The following MACROD1 variants were observed in gnomAD, a reference collection of about 807,000 sequenced individuals.
The protein encoded by MACROD1 is mono-ADP ribosylhydrolase 1, also known as ADP-ribose glycohydrolase MACROD1.
In MACROD1, 31 loss-of-function variants were observed where a neutral mutation model predicts 41.4. The ratio of observed to expected loss-of-function variants is 0.75; its 90% CI spans 0.56 to 1.01. The LOEUF (loss-of-function observed/expected upper bound fraction) is 1.01. Ranked by LOEUF, MACROD1 falls within the 50% of genes least tolerant of loss-of-function variation. The pLI is 0.00. For missense variants in MACROD1, 473 were observed against 460.0 expected (o/e 1.03, Z -0.26); for synonymous variants, 252 against 203.4 (o/e 1.24, Z -2.03).
intron 1 of MACROD1, among the ~76,000 whole-genome samples, chr11:64,161,835 C>T (rs1372448536): frequency 5.2e-5 from 5 of 95,308 alleles, no homozygotes; most frequent in African/African-American, 2.2e-4. Flanking sequence ...TTTGGGAGGC[C>T]GAGGTGGGTA....
At chr11:64,029,432 G>A (rs1943265313) in intron 3 of MACROD1, among the ~76,000 whole-genome samples, 1 of 152,088 alleles carries the variant, frequency 6.6e-6, no homozygotes, top group Non-Finnish European at 1.5e-5. Flanking sequence ...CCTACCTCGG[G>A]CAGTCACAGG....
chr11:64,032,441 G>A (rs759905227), intron 3 of MACROD1, among the ~76,000 whole-genome samples: 1 of 152,068 alleles, frequency 6.6e-6, no homozygotes, highest in Non-Finnish European at 1.5e-5. Context: ...AGATTTAGGG[G>A]CTCCAGAGAG....
intron 3 of MACROD1, among the ~76,000 whole-genome samples, chr11:64,114,333 AGTAGATACAT>A (rs1944929147): frequency 2.9e-5 from 2 of 67,818 alleles, no homozygotes; most frequent in Non-Finnish European, 8.8e-5. Context: ...ATGGACGGAC[AGTAGATACAT>A]GATGGATGGA....
chr11:64,113,142 T>G (rs1443431871), intron 3 of MACROD1, among the ~76,000 whole-genome samples: 1 of 152,240 alleles, frequency 6.6e-6, no homozygotes, highest in African/African-American at 2.4e-5. Context: ...TTGAGTAAGC[T>G]AACATCTCTG....
intron 3 of MACROD1, among the ~76,000 whole-genome samples, chr11:64,110,272 A>C (rs1446177548): frequency 6.6e-6 from 1 of 152,050 alleles, no homozygotes; most frequent in Non-Finnish European, 1.5e-5. Context: ...CAACATAGCA[A>C]AACCCCATCT....
At chr11:64,004,337 C>T (rs1199243298) in intron 4 of MACROD1, among the ~76,000 whole-genome samples, 1 of 152,202 alleles carries the variant, frequency 6.6e-6, no homozygotes, top group Non-Finnish European at 1.5e-5. Context: ...CCGGTGGGGC[C>T]ATCCGCCAAG....
chr11:64,111,805 A>G (rs776188817), intron 3 of MACROD1, among the ~76,000 whole-genome samples: 3 of 152,184 alleles, frequency 2.0e-5, no homozygotes, highest in South Asian at 2.1e-4. Flanking sequence ...CCAGTCCCCA[A>G]TGTAATGAAA....
At chr11:64,132,013 CCT>C (rs954812314) in intron 3 of MACROD1, among the ~76,000 whole-genome samples, 28 of 152,170 alleles carry the variant, frequency 1.8e-4, no homozygotes, top group Non-Finnish European at 1.2e-4. Flanking sequence ...GGAAGTGGGG[CCT>C]CCCCATGCCG....
intron 3 of MACROD1, among the ~76,000 whole-genome samples, chr11:64,092,848 C>T (rs1034079335): frequency 3.3e-5 from 5 of 152,244 alleles, no homozygotes; most frequent in African/African-American, 1.2e-4. Context: ...TAACACGTGT[C>T]ACCAAAGACA....
chr11:63,999,955 C>A (rs1942791538), intron 5 of MACROD1, 192 bp from the exon 6 acceptor site: 3 of 701,766 alleles, frequency 4.3e-6, no homozygotes, highest in Admixed American at 2.9e-5. Flanking sequence ...CCCCGCGCCC[C>A]CTCCCCACAT....
At position 64,090,831 on chromosome 11, in the gene MACROD1, T is replaced by C. The variant is rs574447334; in HGVS notation, c.517+60408A>G. On this transcript the variant is annotated intron_variant, in intron 3 of 10. Transcript: ENST00000255681. This position sits in a 1 kb window ranked among gnomAD's most constrained non-coding sequence, Gnocchi z 4.7. The stretch of plus-strand genomic sequence containing the variant: ...GGGCTCTGCAGAAGCAGAGCCCGAG[T>C]CGGGTCCAGCCCTGCACTCCCAGGG... Among the ~76,000 whole-genome samples the C allele has an allele frequency of 1.3e-5, 2 of 151,568 alleles. No individual in the cohort carries two copies. Among genetic ancestry groups the C allele is most frequent in the African/African-American group, 4.8e-5 (2 of 41,252 alleles).
intron 3 of MACROD1, among the ~76,000 whole-genome samples, chr11:64,102,811 T>C (rs1035992788): frequency 2.6e-5 from 4 of 152,098 alleles, no homozygotes; most frequent in South Asian, 2.1e-4. Flanking sequence ...GGCTCATGCC[T>C]GTAATCCCAT....
rs1945593552 is a variant in MACROD1 at position 64,152,341 on chromosome 11, C to T, written c.351G>A (p.Lys117=). The change falls in exon 2 of 11, where the codon AAG becomes AAA. Residue 117 remains lysine (K), a synonymous_variant. Coordinates refer to ENST00000255681, the MANE Select transcript of MACROD1 (RefSeq NM_014067.4). ...GGATCTTCTTCAGCCTGACAAAGTC[C>T]TTGCAGAAGTAATGTTCCTCCCGCT... ...DKQREEHYFC[K]DFVRLKKIPT... 2 of 1,614,260 alleles carry T rather than the reference C, an allele frequency of 1.2e-6. No homozygotes were observed. Among genetic ancestry groups the T allele is most frequent in the Non-Finnish European group, 1.7e-6 (2 of 1,180,050 alleles).
intron 3 of MACROD1, among the ~76,000 whole-genome samples, chr11:64,065,663 G>A (rs1354602054): frequency 6.6e-6 from 1 of 151,976 alleles, no homozygotes; most frequent in Non-Finnish European, 1.5e-5. Context: ...GGTGGCGGCC[G>A]CCTGTAGTCC....
chr11:64,101,655 G>C (rs1944673113), intron 3 of MACROD1, among the ~76,000 whole-genome samples: 1 of 152,194 alleles, frequency 6.6e-6, no homozygotes, highest in Non-Finnish European at 1.5e-5. Context: ...AAATCACGCG[G>C]GTGGTAATAG....
intron 3 of MACROD1, among the ~76,000 whole-genome samples, chr11:64,066,496 G>A (rs1240022741): frequency 1.3e-5 from 2 of 151,844 alleles, no homozygotes; most frequent in Admixed American, 6.6e-5. Flanking sequence ...GCATGCGCCT[G>A]TAGTCCCAGC....
Position 64,166,039 on chromosome 11 carries a change from T to C in MACROD1, c.-45A>G. ...GCTCTCCGCCCACTTGGACTCTATT[T>C]ACGGCGCTCGGGAGTGTCTCTCCCT... On this transcript the variant is annotated 5_prime_UTR_variant, in exon 1 of 11. Coordinates refer to ENST00000255681, the MANE Select transcript of MACROD1 (RefSeq NM_014067.4). 8.0e-7 allele frequency: 1 copy of C among 1,245,636 alleles called. No homozygotes were observed. The highest frequency in any genetic ancestry group is 1.0e-6 in the Non-Finnish European group (1 of 996,972). The allele number at this position is 1,245,636 out of a possible 1,614,324, so 77.2% of individuals were successfully genotyped here. A position where few individuals can be genotyped will look rare whatever the true frequency, so the allele number is the denominator to read the frequency against.
In MACROD1 at chr11:64,123,269, A is replaced by C. The variant is rs1035685060; in HGVS notation, c.517+27970T>G. On this transcript the variant is annotated intron_variant, in intron 3 of 10. Coordinates refer to ENST00000255681, the MANE Select transcript of MACROD1 (RefSeq NM_014067.4). ...GACGGTGGCTGCTGCCTGCCCCTGG[A>C]TGGGCGCCAGGGCAAGCACTCACAG... Among the ~76,000 whole-genome samples the C allele has an allele frequency of 6.6e-5, 10 of 152,032 alleles. No individual in the cohort carries two copies. The East Asian group carries it at 1.2e-3, about 18-fold the overall frequency.
intron 1 of MACROD1, among the ~76,000 whole-genome samples, chr11:64,155,348 C>T (rs2622416): frequency 0.96 from 146,448 of 152,268 alleles, 70,682 homozygotes; most frequent in Middle Eastern, 1. Flanking sequence ...TGTCTGAGGA[C>T]GGACAGATGC....
Sources: gnomAD v4.1 joint callset for allele counts (sites outside exome capture counted in the v4.1 genomes callset) on GRCh38, gnomAD v4.1.1 for gene constraint, Gnocchi (gnomAD v3.1) non-coding constraint, MANE v1.5 for transcripts, NCBI Gene and HGNC (gene_info 2026-07-23, HGNC 2026-07-21) for gene names.